ADGRV1: variants seen among roughly 807,000 people sequenced by gnomAD.
ADGRV1 encodes the protein G-protein coupled receptor 98.
ADGRV1 carries 359 observed loss-of-function variants against 596.2 expected under a neutral mutation model. The observed-to-expected ratio is 0.60, with a 90% CI of 0.55 to 0.66. The LOEUF (loss-of-function observed/expected upper bound fraction) is 0.66, where lower values mean the gene tolerates loss of function less well. Ranked by LOEUF, ADGRV1 falls within the 30% of genes least tolerant of loss-of-function variation. The pLI, the probability that ADGRV1 is intolerant of heterozygous loss-of-function variation, is 0.00. For synonymous variants in ADGRV1, 2,681 were observed against 2,679.2 expected (o/e 1.00, Z -0.02); for missense variants, 7,274 against 7,575.6 (o/e 0.96, Z 1.48).
Position 90,725,141 on chromosome 5 carries a change from C to G in ADGRV1, c.9962C>G (p.Pro3321Arg), listed in dbSNP as rs1239159426. 3 of 1,545,494 alleles carry G rather than the reference C, an allele frequency of 1.9e-6. No homozygotes were observed. The highest frequency in any genetic ancestry group is 4.0e-5 in the Admixed American group (2 of 49,848). Residue 3321 changes from proline to arginine, a missense_variant, in exon 47 of 90, where the codon CCC becomes CGC. Pro to Arg is a moderately radical substitution (Grantham distance 103). Around this residue, in one of 5 missense-constraint regions of ADGRV1, gnomAD observed 3,643 missense variants for 3,809.2 expected, o/e 0.96. Coordinates refer to ENST00000405460, the MANE Select transcript of ADGRV1 (RefSeq NM_032119.4). ...GAGGCCTTTAATATTGGTTTTTCTC[C>G]CTACTTTGTGATTACTCATGAAGAA... The part of the protein sequence containing the change: ...TCEAFNIGFS[P>R]YFVITHEERN...
chr5:90,580,752 T>C (rs1757920661), intron 1 of ADGRV1, among the ~76,000 whole-genome samples: 1 of 152,090 alleles, frequency 6.6e-6, no homozygotes, highest in African/African-American at 2.4e-5. Flanking sequence ...CTGACAGTTA[T>C]GTGTGTTGGG....
chr5:90,957,556 T>TTATATATA lies in ADGRV1; in HGVS notation c.17857-7849_17857-7842dup, dbSNP rs3076324. 5.5e-5 allele frequency among the ~76,000 whole-genome samples: 8 copies of TTATATATA among 146,250 alleles called. No homozygotes were observed. In the South Asian group the frequency reaches 6.4e-4, roughly 12 times the overall value. On this transcript the variant is annotated intron_variant, in intron 83 of 89. Transcript: ENST00000405460. ...GCTTCCTTTTTCTAATTTCAACTGTTTATATATATATATATATTACATATA... is the reference window on the plus strand; with the variant it reads ...GCTTCCTTTTTCTAATTTCAACTGTTTATATATATATATATATATATATATTACATATA...
chr5:90,689,722 G>A, intron 29 of ADGRV1, 139 bp from the exon 30 acceptor site: 1 of 625,798 alleles, frequency 1.6e-6, no homozygotes, highest in Non-Finnish European at 2.8e-6. Context: ...TTCTTGCTTA[G>A]AATAAATGTA....
At chr5:91,011,764 A>G (rs1025462847) in intron 85 of ADGRV1, among the ~76,000 whole-genome samples, 1 of 151,990 alleles carries the variant, frequency 6.6e-6, no homozygotes. Context: ...GGGGAAAAAA[A>G]AAAGCAATGC....
At position 90,993,122 on chromosome 5, in the gene ADGRV1, C is replaced by T. The variant is rs531949259; in HGVS notation, c.18152+7600C>T. Among the ~76,000 whole-genome samples the T allele has an allele frequency of 2.1e-5, 3 of 144,562 alleles. No homozygotes were observed. In the South Asian group the frequency reaches 6.7e-4, roughly 32 times the overall value. 94.8% of individuals were successfully genotyped at this position (144,562 alleles called of 152,430 possible). On this transcript the variant is annotated intron_variant, in intron 85 of 89. Transcript: ENST00000405460. Reference sequence around the variant, plus strand: ...TGCTTGTGTGTCCTTGGTCTTCAATCTGACAATTTCTCTGTCTTTCCTTGG... The same window carrying T: ...TGCTTGTGTGTCCTTGGTCTTCAATTTGACAATTTCTCTGTCTTTCCTTGG...
At chr5:90,602,700 G>A (rs892375308) in intron 1 of ADGRV1, among the ~76,000 whole-genome samples, 2 of 152,214 alleles carry the variant, frequency 1.3e-5, no homozygotes, top group Non-Finnish European at 2.9e-5. Context: ...TCCTGGATGT[G>A]ATCCTGGAAC....
intron 89 of ADGRV1, among the ~76,000 whole-genome samples, chr5:91,159,726 T>C (rs1796787755): frequency 6.6e-6 from 1 of 152,058 alleles, no homozygotes; most frequent in Non-Finnish European, 1.5e-5. Context: ...TAAATAGAGC[T>C]GTCTAATGTA....
chr5:90,907,817 G>A (rs1772465119), intron 83 of ADGRV1, among the ~76,000 whole-genome samples: 1 of 151,914 alleles, frequency 6.6e-6, no homozygotes, highest in South Asian at 2.1e-4. Flanking sequence ...GGTGTTCGAT[G>A]GTAGGCATAT....
rs1750846809 is a variant in ADGRV1 at position 90,720,986 on chromosome 5, A to G, written c.9675A>G (p.Val3225=). The change falls in exon 45 of 90, where the codon GTA becomes GTG. Residue 3225 remains valine, a synonymous_variant. Coordinates refer to ENST00000405460, the MANE Select transcript of ADGRV1 (RefSeq NM_032119.4). ...CCAATAGGACCGTGTATTTAAATGTATCTCGAACTAATGGCATTGATTTGG... is the reference window on the plus strand; with the variant it reads ...CCAATAGGACCGTGTATTTAAATGTGTCTCGAACTAATGGCATTGATTTGG... ...EEANRTVYLN[V]SRTNGIDLAV... 1 of 1,612,556 alleles carries G rather than the reference A, an allele frequency of 6.2e-7. No homozygotes were observed. The highest frequency in any genetic ancestry group is 1.7e-5 in the Admixed American group (1 of 59,966).
At chr5:90,686,355 C>G (rs767263666) in intron 29 of ADGRV1, among the ~76,000 whole-genome samples, 1 of 152,036 alleles carries the variant, frequency 6.6e-6, no homozygotes, top group Non-Finnish European at 1.5e-5. Context: ...CTAAAGCTAT[C>G]CCTCCCCGCT....
chr5:90,946,546 TATC>T (rs1431534522), intron 83 of ADGRV1, among the ~76,000 whole-genome samples: 3 of 152,100 alleles, frequency 2.0e-5, no homozygotes, highest in Admixed American at 6.5e-5. Context: ...TTGCTACACT[TATC>T]AACCCATCAT....
chr5:90,576,491 A>G (rs1648076776), intron 1 of ADGRV1, among the ~76,000 whole-genome samples: 1 of 152,010 alleles, frequency 6.6e-6, no homozygotes, highest in African/African-American at 2.4e-5. Context: ...TATGTGCCAC[A>G]TTTTCTTAAT....
At chr5:90,961,691 G>A (rs1778047789) in intron 83 of ADGRV1, among the ~76,000 whole-genome samples, 1 of 152,068 alleles carries the variant, frequency 6.6e-6, no homozygotes, top group Non-Finnish European at 1.5e-5. Context: ...GTATATTTAA[G>A]TTTTCTAAAA....
rs573506254 is a variant in ADGRV1, at chr5:90,642,168, A to G, written c.2241-468A>G. 2.0e-5 allele frequency among the ~76,000 whole-genome samples: 3 copies of G among 152,288 alleles called. No individual in the cohort carries two copies. In the South Asian group the frequency reaches 6.2e-4, roughly 32 times the overall value. On this transcript the variant is annotated intron_variant, in intron 11 of 89. Transcript: ENST00000405460. ...TAGTCCATTTAGTTATCCAGCTATT[A>G]TGTGCTCTATTCAGTTAGTATAATC...
At chr5:90,587,562 T>C (rs1227160140) in intron 1 of ADGRV1, among the ~76,000 whole-genome samples, 1 of 151,240 alleles carries the variant, frequency 6.6e-6, no homozygotes, top group African/African-American at 2.4e-5. Flanking sequence ...TGTCTTTTTT[T>C]TTTTTTTTTT....
chr5:90,844,161 T>C (rs899256746), intron 78 of ADGRV1, among the ~76,000 whole-genome samples: 1 of 152,164 alleles, frequency 6.6e-6, no homozygotes. Flanking sequence ...ATATATGCCA[T>C]ATGAAATTAT....
intron 1 of ADGRV1, among the ~76,000 whole-genome samples, chr5:90,578,010 G>A (rs1188072126): frequency 1.3e-5 from 2 of 152,154 alleles, no homozygotes; most frequent in African/African-American, 4.8e-5. Flanking sequence ...AGGAAATTTT[G>A]GGCTGGGATG....
chr5:90,996,584 G>GGAGTCCCGACACA (rs1249294388), intron 85 of ADGRV1, among the ~76,000 whole-genome samples: 82 of 152,338 alleles, frequency 5.4e-4, no homozygotes, highest in African/African-American at 1.9e-3. Context: ...ATGTGGGGTT[G>GGAGTCCCGACACA]GAGTCCCGAC....
At chr5:91,153,802 G>A (rs1470708443) in intron 89 of ADGRV1, among the ~76,000 whole-genome samples, 1 of 152,160 alleles carries the variant, frequency 6.6e-6, no homozygotes. Flanking sequence ...AATGAGCATG[G>A]TATAGTTCTA....
Sources: allele counts gnomAD v4.1 joint callset (sites outside exome capture counted in the v4.1 genomes callset), GRCh38; gene constraint gnomAD v4.1.1; regional missense constraint gnomAD v4.1.1; transcripts MANE v1.5; gene names NCBI Gene and HGNC (gene_info 2026-07-23, HGNC 2026-07-21).